KIRREL3: variants seen among roughly 807,000 people sequenced by gnomAD.
KIRREL3 encodes the protein kirre like nephrin family adhesion molecule 3, also known as kin of IRRE-like protein 3.
KIRREL3 carries 36 observed loss-of-function variants against 89.7 expected under a neutral mutation model. That is an observed-to-expected ratio of 0.40 (90% CI 0.31 to 0.53). The LOEUF (loss-of-function observed/expected upper bound fraction) is 0.53. Ranked by LOEUF, KIRREL3 falls within the 20% of genes least tolerant of loss-of-function variation. KIRREL3 has a pLI of 0.49. For synonymous variants in KIRREL3, 445 were observed against 441.4 expected (o/e 1.01, Z -0.10); for missense variants, 864 against 1,056.6 (o/e 0.82, Z 2.53).
chr11:126,835,428 A>G (rs1474947492), intron 1 of KIRREL3, among the ~76,000 whole-genome samples: 1 of 152,250 alleles, frequency 6.6e-6, no homozygotes, highest in Non-Finnish European at 1.5e-5. Context: ...AGAAAAGCAG[A>G]GCAGCCAGAA....
chr11:126,474,094 T>C lies in KIRREL3; in HGVS notation c.434-628A>G, dbSNP rs918495124. Among the ~76,000 whole-genome samples the C allele has an allele frequency of 6.6e-6, 1 of 151,714 alleles. No homozygotes were observed. The highest frequency in any genetic ancestry group is 1.9e-4 in the East Asian group (1 of 5,160). ...CTAGGATTACAGGCCTGAGCCACCA[T>C]GCCCGGCCAACACCTGGTTAATTTT... On this transcript the variant is annotated intron_variant, in intron 4 of 16. Coordinates refer to ENST00000525144, the MANE Select transcript of KIRREL3 (RefSeq NM_032531.4). The surrounding 1 kb of genome is among the most constrained non-coding windows in gnomAD (Gnocchi z 6.7).
chr11:126,529,678 G>C (rs1958884013), intron 2 of KIRREL3, among the ~76,000 whole-genome samples: 1 of 150,408 alleles, frequency 6.6e-6, no homozygotes, highest in Admixed American at 6.6e-5. Flanking sequence ...TCTATGGAAA[G>C]ACTGTTTCTG....
rs1220391181 is a variant in KIRREL3, at chr11:126,970,792, G to T, written c.55+29663C>A. 6.6e-6 allele frequency among the ~76,000 whole-genome samples: 1 copy of T among 152,114 alleles called. No individual in the cohort carries two copies. The highest frequency in any genetic ancestry group is 1.5e-5 in the Non-Finnish European group (1 of 68,014). On this transcript the variant is annotated intron_variant, in intron 1 of 16. Transcript: ENST00000525144. The surrounding 1 kb of genome is among the most constrained non-coding windows in gnomAD (Gnocchi z 4.4). ...TAGAACATTGCTTCCATGAGAACAAGGTTTTCCTAGTTTCAAATAAGTGAT... is the reference window on the plus strand; with the variant it reads ...TAGAACATTGCTTCCATGAGAACAATGTTTTCCTAGTTTCAAATAAGTGAT...
At chr11:126,524,805 G>A (rs1469929603) in intron 3 of KIRREL3, among the ~76,000 whole-genome samples, 1 of 152,188 alleles carries the variant, frequency 6.6e-6, no homozygotes, top group African/African-American at 2.4e-5. Context: ...GGCTCTACAA[G>A]TACTTGCTGA....
In KIRREL3 at chr11:126,562,702, C is replaced by T. The variant is rs1940216716; in HGVS notation, c.133+133G>A. ...GATTGTACAAATGGCTTCATGGAAA[C>T]CAAACTGGTCTTCCCACTGTCCCCT... On this transcript the variant is annotated intron_variant, in intron 2 of 16. Coordinates refer to ENST00000525144, the MANE Select transcript of KIRREL3 (RefSeq NM_032531.4). The surrounding 1 kb of genome is among the most constrained non-coding windows in gnomAD (Gnocchi z 4.7). 1.6e-6 allele frequency: 1 copy of T among 637,990 alleles called. No homozygotes were observed. Among genetic ancestry groups the T allele is most frequent in the African/African-American group, 1.8e-5 (1 of 54,586 alleles). The allele number at this position is 637,990 out of a possible 1,614,324, so 39.5% of individuals were successfully genotyped here. A position where few individuals can be genotyped will look rare whatever the true frequency, so the allele number is the denominator to read the frequency against.
rs1034154275 is a variant in KIRREL3 at position 126,471,890 on chromosome 11, C to T, written c.591+1419G>A. On this transcript the variant is annotated intron_variant, in intron 5 of 16. Coordinates refer to ENST00000525144, the MANE Select transcript of KIRREL3 (RefSeq NM_032531.4). This position sits in a 1 kb window ranked among gnomAD's most constrained non-coding sequence, Gnocchi z 5.4. ...TACGGGGGCCAGTTCAGGGTGCTTC[C>T]AGCCCTTGGTATCGTGTGTGAATTA... 1.3e-5 allele frequency among the ~76,000 whole-genome samples: 2 copies of T among 152,160 alleles called. No homozygotes were observed. Among genetic ancestry groups the T allele is most frequent in the African/African-American group, 2.4e-5 (1 of 41,436 alleles).
chr11:126,941,050 C>T (rs373730589), intron 1 of KIRREL3: 5 of 152,130 alleles, frequency 3.3e-5, no homozygotes, highest in Admixed American at 6.6e-5. Flanking sequence ...ACAACACATA[C>T]GGGAGAATTG....
chr11:126,478,254 A>C (rs1254320331), intron 4 of KIRREL3, among the ~76,000 whole-genome samples: 1 of 149,924 alleles, frequency 6.7e-6, no homozygotes, highest in Non-Finnish European at 1.5e-5. Flanking sequence ...CCCTTCAGTG[A>C]CTCTCCACTA....
chr11:126,717,354 A>G (rs1431004505), intron 1 of KIRREL3, among the ~76,000 whole-genome samples: 1 of 152,232 alleles, frequency 6.6e-6, no homozygotes, highest in East Asian at 1.9e-4. Flanking sequence ...AAACTCAAGT[A>G]CTTTGACAGT....
Position 126,642,030 on chromosome 11 carries a change from T to C in KIRREL3, c.56-79118A>G, listed in dbSNP as rs1208853825. Among the ~76,000 whole-genome samples, 1 of 152,196 alleles carries C rather than the reference T, an allele frequency of 6.6e-6. No homozygotes were observed. The highest frequency in any genetic ancestry group is 2.4e-5 in the African/African-American group (1 of 41,444). ...TCTGAAATGCTCAGAAATGTACCGA[T>C]GTCCTTAGATGCTGCAGATGGAGCC... On this transcript the variant is annotated intron_variant, in intron 1 of 16. Transcript: ENST00000525144. This position sits in a 1 kb window ranked among gnomAD's most constrained non-coding sequence, Gnocchi z 4.9.
rs2134248288 is a variant in KIRREL3 at position 126,752,970 on chromosome 11, C to T, written c.56-190058G>A. ...TCCAGAATCTCTTGTGATAATATTG[C>T]TTTGTTTTAGCTGAGAAACCTTGGG... On this transcript the variant is annotated intron_variant, in intron 1 of 16. Coordinates refer to ENST00000525144, the MANE Select transcript of KIRREL3 (RefSeq NM_032531.4). The surrounding 1 kb of genome is among the most constrained non-coding windows in gnomAD (Gnocchi z 4.8). Among the ~76,000 whole-genome samples, 1 of 152,258 alleles carries T rather than the reference C, an allele frequency of 6.6e-6. No homozygotes were observed. The highest frequency in any genetic ancestry group is 2.4e-5 in the African/African-American group (1 of 41,538).
rs548549273 is a variant in KIRREL3 at position 126,606,883 on chromosome 11, G to A, written c.56-43971C>T. Among the ~76,000 whole-genome samples, 7 of 152,026 alleles carry A rather than the reference G, an allele frequency of 4.6e-5. No individual in the cohort carries two copies. The highest frequency in any genetic ancestry group is 4.6e-4 in the Admixed American group (7 of 15,272). The stretch of plus-strand genomic sequence containing the variant: ...GAAGGGATTTGGGGGGTCAAGGGAG[G>A]ACTCTGGATGGGAAAGGGGAGAAGC... On this transcript the variant is annotated intron_variant, in intron 1 of 16. Transcript: ENST00000525144. This position sits in a 1 kb window ranked among gnomAD's most constrained non-coding sequence, Gnocchi z 4.6.
Position 126,635,437 on chromosome 11 carries a change from G to T in KIRREL3, c.56-72525C>A, listed in dbSNP as rs868453930. 6.6e-6 allele frequency among the ~76,000 whole-genome samples: 1 copy of T among 152,238 alleles called. No individual in the cohort carries two copies. Among genetic ancestry groups the T allele is most frequent in the African/African-American group, 2.4e-5 (1 of 41,468 alleles). On this transcript the variant is annotated intron_variant, in intron 1 of 16. Coordinates refer to ENST00000525144, the MANE Select transcript of KIRREL3 (RefSeq NM_032531.4). The surrounding 1 kb of genome is among the most constrained non-coding windows in gnomAD (Gnocchi z 4.0). The stretch of plus-strand genomic sequence containing the variant: ...CTTCCTCATTAAAAGGGCTGGGCTG[G>T]TTGGCTGGCTCCAAGGCCCTCAGCA...
Position 126,614,817 on chromosome 11 carries a change from G to T in KIRREL3, c.56-51905C>A, listed in dbSNP as rs576595370. On this transcript the variant is annotated intron_variant, in intron 1 of 16. Transcript: ENST00000525144. This position sits in a 1 kb window ranked among gnomAD's most constrained non-coding sequence, Gnocchi z 4.6. ...TGGAATTGAATTTCTCTTAGTATCA[G>T]GTCTGGGTTGGGGCAGGTAAATCTT... Among the ~76,000 whole-genome samples the T allele has an allele frequency of 6.6e-6, 1 of 152,214 alleles. No individual in the cohort carries two copies. The highest frequency in any genetic ancestry group is 2.4e-5 in the African/African-American group (1 of 41,454).
chr11:126,587,815 T>G lies in KIRREL3; in HGVS notation c.56-24903A>C, dbSNP rs184611076. On this transcript the variant is annotated intron_variant, in intron 1 of 16. Transcript: ENST00000525144. This position sits in a 1 kb window ranked among gnomAD's most constrained non-coding sequence, Gnocchi z 5.2. ...ATGATTATGACTTAAGTAAAATAGT[T>G]GAACACAATTCTTATTGCCATCTAT... 1.8e-4 allele frequency among the ~76,000 whole-genome samples: 28 copies of G among 152,346 alleles called. No homozygotes were observed. Among genetic ancestry groups the G allele is most frequent in the Admixed American group, 3.9e-4 (6 of 15,302 alleles).
intron 1 of KIRREL3, among the ~76,000 whole-genome samples, chr11:126,679,195 G>A (rs1946340976): frequency 6.6e-6 from 1 of 152,186 alleles, no homozygotes; most frequent in Non-Finnish European, 1.5e-5. Context: ...CATGGATGGT[G>A]GAGAATCACC....
Position 126,976,811 on chromosome 11 carries a change from T to C in KIRREL3, c.55+23644A>G, listed in dbSNP as rs1949590900. The stretch of plus-strand genomic sequence containing the variant: ...AAGGGTAAAGGAGAGGGGAGGTTAC[T>C]ACTGGCATAAGGTTATTACTTCACG... On this transcript the variant is annotated intron_variant, in intron 1 of 16. Transcript: ENST00000525144. The surrounding 1 kb of genome is among the most constrained non-coding windows in gnomAD (Gnocchi z 4.2). 6.6e-6 allele frequency among the ~76,000 whole-genome samples: 1 copy of C among 152,176 alleles called. No homozygotes were observed. The highest frequency in any genetic ancestry group is 2.1e-4 in the South Asian group (1 of 4,826).
intron 1 of KIRREL3, among the ~76,000 whole-genome samples, chr11:126,637,905 CA>C (rs1944328211): frequency 6.6e-6 from 1 of 152,202 alleles, no homozygotes; most frequent in Non-Finnish European, 1.5e-5. Flanking sequence ...GACCATTGTA[CA>C]GTGGAAAACA....
chr11:126,451,112 CAT>C (rs1491145727), intron 7 of KIRREL3, among the ~76,000 whole-genome samples: 1 of 70,712 alleles, frequency 1.4e-5, no homozygotes, highest in Non-Finnish European at 2.6e-5. Context: ...TGCATGTGTG[CAT>C]GTGTGTGTGT....
Sources: allele counts gnomAD v4.1 joint callset (sites outside exome capture counted in the v4.1 genomes callset), GRCh38; gene constraint gnomAD v4.1.1; non-coding constraint Gnocchi (gnomAD v3.1); transcripts MANE v1.5; gene names NCBI Gene and HGNC (gene_info 2026-07-23, HGNC 2026-07-21).